Variants in AP1G2 observed in about 807,000 individuals in gnomAD.
AP1G2 encodes the protein AP-1 complex subunit gamma-like 2.
AP1G2 carries 85 observed loss-of-function variants against 95.8 expected under a neutral mutation model. That is an observed-to-expected ratio of 0.89 (90% CI 0.74 to 1.06). The LOEUF is 1.06. Ranked by LOEUF, AP1G2 falls within the 50% of genes least tolerant of loss-of-function variation. The pLI is 0.00. For synonymous variants in AP1G2, 378 were observed against 400.0 expected (o/e 0.94, Z 0.66); for missense variants, 967 against 1,005.8 (o/e 0.96, Z 0.52).
rs367618345 is a variant in AP1G2 at position 23,566,267 on chromosome 14, C to T, written c.471+11G>A. 51 of 1,613,272 alleles carry T rather than the reference C, an allele frequency of 3.2e-5. No homozygotes were observed. Among genetic ancestry groups the T allele is most frequent in the South Asian group, 2.0e-4 (18 of 91,020 alleles). ...GTGCAGGAGCACGTGCCAGGAGTCC[C>T]GCCATCTCACCTTCTTGCGCACGTA... is the stretch of plus-strand genomic sequence containing the variant. On this transcript the variant is annotated intron_variant, in intron 4 of 21. Coordinates refer to ENST00000397120, the MANE Select transcript of AP1G2 (RefSeq NM_003917.5).
chr14:23,561,746 G>T, intron 17 of AP1G2, 111 bp from the exon 18 acceptor site: 2 of 1,501,522 alleles, frequency 1.3e-6, no homozygotes, highest in Non-Finnish European at 1.8e-6. Flanking sequence ...TGGCTCAGAA[G>T]TACCCTTCTG....
chr14:23,565,296 T>C, intron 7 of AP1G2, 97 bp from the exon 8 acceptor site: 1 of 1,290,988 alleles, frequency 7.7e-7, no homozygotes. Flanking sequence ...TCTGGCTCGC[T>C]CCCTAGAGCC....
chr14:23,565,587 C>G lies in AP1G2; in HGVS notation c.741+19G>C. On this transcript the variant is annotated intron_variant, in intron 7 of 21. Transcript: ENST00000397120. ...TGCCCTCTCTGATCCAGGGATACAG[C>G]AGTGAAAGGTCACCCCACCTGCAGG... The G allele has an allele frequency of 6.3e-7, 1 of 1,592,066 alleles. No homozygotes were observed. The highest frequency in any genetic ancestry group is 8.6e-7 in the Non-Finnish European group (1 of 1,160,152).
Position 23,560,152 on chromosome 14 carries a change from A to G in AP1G2, c.2157+103T>C, listed in dbSNP as rs1416062704. Reference sequence around the variant, plus strand: ...TAACTCCCCAAGTGCTGATCTCCAGATGACTCAATCCCATCTCACACTGTC... The same window carrying G: ...TAACTCCCCAAGTGCTGATCTCCAGGTGACTCAATCCCATCTCACACTGTC... On this transcript the variant is annotated intron_variant, in intron 20 of 21. Coordinates refer to ENST00000397120, the MANE Select transcript of AP1G2 (RefSeq NM_003917.5). 8 of 1,494,540 alleles carry G rather than the reference A, an allele frequency of 5.4e-6. No homozygotes were observed. The East Asian group carries it at 9.1e-5, about 17-fold the overall frequency. The allele number at this position is 1,494,540 out of a possible 1,614,324, so 92.6% of individuals were successfully genotyped here. A position where few individuals can be genotyped will look rare whatever the true frequency, so the allele number is the denominator to read the frequency against.
Position 23,562,020 on chromosome 14 carries a change from C to T in AP1G2, c.1675G>A (p.Glu559Lys), listed in dbSNP as rs1483446577. ...TACTCCACAGCCCGCTGCTGCAGCTCCACGTCCAAGCAGCTCCCGTAGATG... is the reference window on the plus strand; with the variant it reads ...TACTCCACAGCCCGCTGCTGCAGCTTCACGTCCAAGCAGCTCCCGTAGATG... ...VSIYGSCLDV[E>K]LQQRAVEYDT... The change falls in exon 17 of 22, where the codon GAG becomes AAG. Residue 559 changes from glutamate to lysine, a missense_variant. Glu to Lys is a moderately conservative substitution (Grantham distance 56). Coordinates refer to ENST00000397120, the MANE Select transcript of AP1G2 (RefSeq NM_003917.5). 5.0e-6 allele frequency: 8 copies of T among 1,613,510 alleles called. No individual in the cohort carries two copies. Among genetic ancestry groups the T allele is most frequent in the Non-Finnish European group, 6.8e-6 (8 of 1,179,884 alleles).
At chr14:23,562,649 T>G in intron 14 of AP1G2, 56 bp from the exon 15 acceptor site, 1 of 1,564,596 alleles carries the variant, frequency 6.4e-7, no homozygotes, top group South Asian at 1.1e-5. Flanking sequence ...AAGCCTGTAA[T>G]CCCAGCGCAT....
chr14:23,562,482 T>C (rs1276725874), intron 15 of AP1G2, 22 bp downstream of exon 15: 1 of 1,609,938 alleles, frequency 6.2e-7, no homozygotes, highest in Non-Finnish European at 8.5e-7. Flanking sequence ...CCCTCCTCAG[T>C]GTACCCCCAA....
chr14:23,565,195 T>C lies in AP1G2; in HGVS notation c.746A>G (p.Gln249Arg), dbSNP rs746542284. The change falls in exon 8 of 22, where the codon CAG becomes CGG. Residue 249 changes from glutamine (Q) to arginine (R), a missense_variant. Physicochemically the swap from Gln to Arg is conservative, Grantham distance 43. Coordinates refer to ENST00000397120, the MANE Select transcript of AP1G2 (RefSeq NM_003917.5). The stretch of plus-strand genomic sequence containing the variant: ...CAGGATCCGAAGCAGACGAAGTATC[T>C]GGACCTGAGGTTGGGTTGAAAATGG... Reference protein sequence around the residue: ...SGVSDPFLQVQILRLLRILGR... With the variant: ...SGVSDPFLQVRILRLLRILGR... 1.9e-6 allele frequency: 3 copies of C among 1,614,008 alleles called. No individual in the cohort carries two copies. Among genetic ancestry groups the C allele is most frequent in the African/African-American group, 1.3e-5 (1 of 74,928 alleles).
At position 23,561,277 on chromosome 14, in the gene AP1G2, T is replaced by C. The variant is rs2139109090; in HGVS notation, c.1993+19A>G. ...TCCACCTACCTTCTCTAAGACATCT[T>C]CCCTTTGCTTAGGCTTACCTGGGGG... On this transcript the variant is annotated intron_variant, in intron 19 of 21. Coordinates refer to ENST00000397120, the MANE Select transcript of AP1G2 (RefSeq NM_003917.5). 6.6e-7 allele frequency: 1 copy of C among 1,520,922 alleles called. No individual in the cohort carries two copies. Among genetic ancestry groups the C allele is most frequent in the Non-Finnish European group, 8.8e-7 (1 of 1,136,048 alleles). 94.2% of individuals were successfully genotyped at this position (1,520,922 alleles called of 1,614,324 possible).
intron 14 of AP1G2, 62 bp from the exon 15 acceptor site, chr14:23,562,655 C>T (rs1014082230): frequency 4.5e-6 from 7 of 1,543,910 alleles, no homozygotes; most frequent in Non-Finnish European, 4.4e-6. Flanking sequence ...GTAATCCCAG[C>T]GCATTGGGAG....
At position 23,561,571 on chromosome 14, in the gene AP1G2, T is replaced by C; in HGVS notation, c.1798A>G (p.Lys600Glu). ...RDGPQADEEA[K>E]ESKEAAQLSE... ...AGCTGGGCTGCTTCTTTGCTTTCCT[T>C]TGCTTCCTCATCAGCCTGAGGGCCA... is the stretch of plus-strand genomic sequence containing the variant. The change falls in exon 18 of 22, where the codon AAG becomes GAG. Residue 600 changes from lysine (K) to glutamate (E), a missense_variant. Lys to Glu is a moderately conservative substitution (Grantham distance 56). Transcript: ENST00000397120. The C allele has an allele frequency of 6.2e-7, 1 of 1,614,178 alleles. No individual in the cohort carries two copies. Among genetic ancestry groups the C allele is most frequent in the Non-Finnish European group, 8.5e-7 (1 of 1,180,026 alleles).
At chr14:23,559,914 C>A in intron 21 of AP1G2, 24 bp downstream of exon 21, 1 of 1,611,996 alleles carries the variant, frequency 6.2e-7, no homozygotes, top group East Asian at 2.2e-5. Flanking sequence ...TGGGTCTTGT[C>A]TTGGGGGAAC....
Position 23,567,346 on chromosome 14 carries a change from ACT to A in AP1G2, c.-5-29_-5-28del. 1.3e-6 allele frequency: 2 copies of A among 1,598,368 alleles called. No homozygotes were observed. The highest frequency in any genetic ancestry group is 1.3e-5 in the African/African-American group (1 of 74,096). On this transcript the variant is annotated intron_variant, in intron 1 of 21. Coordinates refer to ENST00000397120, the MANE Select transcript of AP1G2 (RefSeq NM_003917.5). This position sits in a 1 kb window ranked among gnomAD's most constrained non-coding sequence, Gnocchi z 5.3. ...TGGCAGAGTCCGGGAGTGGAGAAAC[ACT>A]CTCTGGTCGGGCGTGCCTGGGCTTT...
chr14:23,565,293 C>T lies in AP1G2; in HGVS notation c.742-94G>A, dbSNP rs139533867. The T allele has an allele frequency of 2.3e-3, 3,074 of 1,336,874 alleles. 7 individuals are homozygous for T. The highest frequency in any genetic ancestry group is 2.9e-3 in the Non-Finnish European group (2,728 of 955,046). 82.8% of individuals were successfully genotyped at this position (1,336,874 alleles called of 1,614,324 possible). On this transcript the variant is annotated intron_variant, in intron 7 of 21. Coordinates refer to ENST00000397120, the MANE Select transcript of AP1G2 (RefSeq NM_003917.5). ...AACTCCAACATGTGAGGGTCTGGCT[C>T]GCTCCCTAGAGCCTTCCCCCACCTC...
rs765070049 is a variant in AP1G2, at chr14:23,564,533, C to T, written c.921+29G>A. ...GTGTGGGTGAGGTGGTGGGCGGGGC[C>T]GTAGTGGGAGAGGCATAAGGGGTGA... On this transcript the variant is annotated intron_variant, in intron 9 of 21. Transcript: ENST00000397120. 1.6e-5 allele frequency: 25 copies of T among 1,609,472 alleles called. No homozygotes were observed. In the East Asian group the frequency reaches 2.5e-4, roughly 16 times the overall value.
Position 23,566,126 on chromosome 14 carries a change from A to T in AP1G2, c.506T>A (p.Val169Asp). The T allele has an allele frequency of 6.2e-7, 1 of 1,610,424 alleles. No individual in the cohort carries two copies. Among genetic ancestry groups the T allele is most frequent in the South Asian group, 1.1e-5 (1 of 90,702 alleles). The change falls in exon 5 of 22, where the codon GTC (valine) becomes GAC (aspartate). Residue 169 changes from valine (V) to aspartate (D), a missense_variant. By Grantham distance (152) the Val-to-Asp change is radical. Transcript: ENST00000397120. The part of the protein sequence containing the change: ...ILTAVHMIRK[V>D]PELSSVFLPP... ...GAGGAAGACACTGGAGAGTTCAGGG[A>T]CCTTCCGGATCATGTGCACTGCAGT...
At position 23,563,830 on chromosome 14, in the gene AP1G2, A is replaced by G. The variant is rs145798010; in HGVS notation, c.1118T>C (p.Leu373Pro). The G allele has an allele frequency of 2.2e-5, 35 of 1,613,940 alleles. No individual in the cohort carries two copies. In the African/African-American group the frequency reaches 4.7e-4, roughly 22 times the overall value. The change falls in exon 12 of 22, where the codon CTG (leucine) becomes CCG (proline). Residue 373 changes from leucine (L) to proline (P), a missense_variant. Physicochemically the swap from Leu to Pro is moderately conservative, Grantham distance 98. Coordinates refer to ENST00000397120, the MANE Select transcript of AP1G2 (RefSeq NM_003917.5). ...SRRALELSLALVNSSNVRAMM... is the reference protein window; with the variant it reads ...SRRALELSLAPVNSSNVRAMM... ...GGCTCGCACATTGGAGCTATTTACC[A>G]GAGCCAGGCTTAGTTCCAGGGCTCT...
At chr14:23,560,137 A>G in intron 20 of AP1G2, 101 bp from the exon 21 acceptor site, 1 of 1,449,794 alleles carries the variant, frequency 6.9e-7, no homozygotes, top group Non-Finnish European at 9.5e-7. Flanking sequence ...TAACTCCCCA[A>G]GTGCTGATCT....
chr14:23,559,969 G>T lies in AP1G2; in HGVS notation c.2225C>A (p.Thr742Asn). 6.2e-7 allele frequency: 1 copy of T among 1,613,398 alleles called. No homozygotes were observed. ...TVPARGGLPI[T>N]QLFRILNPNK... ...AGGATTGAGGATTCTGAAGAGCTGGGTGATAGGAAGGCCACCCCGAGCTGG... is the reference window on the plus strand; with the variant it reads ...AGGATTGAGGATTCTGAAGAGCTGGTTGATAGGAAGGCCACCCCGAGCTGG... Residue 742 changes from threonine (T) to asparagine (N), a missense_variant, in exon 21 of 22, where the codon ACC becomes AAC. Coordinates refer to ENST00000397120, the MANE Select transcript of AP1G2 (RefSeq NM_003917.5).
Sources: gnomAD v4.1 joint callset for allele counts on GRCh38, gnomAD v4.1.1 for gene constraint, Gnocchi (gnomAD v3.1) non-coding constraint, MANE v1.5 for transcripts, NCBI Gene and HGNC (gene_info 2026-07-23, HGNC 2026-07-21) for gene names.